The following ANKFY1 variants were observed in gnomAD, a reference collection of about 807,000 sequenced individuals.
ANKFY1 encodes the protein ankyrin repeat and FYVE domain-containing protein 1.
A neutral mutation model predicts 128.3 loss-of-function variants in ANKFY1; 47 were observed. That is an observed-to-expected ratio of 0.37 (90% confidence interval 0.29 to 0.47). ANKFY1 has a LOEUF of 0.47. ANKFY1 is among the 20% of genes least tolerant of loss of function. The pLI, the probability that ANKFY1 is intolerant of heterozygous loss-of-function variation, is 1.00. For missense variants in ANKFY1, 1,222 were observed against 1,510.6 expected (o/e 0.81, Z 3.17); for synonymous variants, 553 against 601.6 (o/e 0.92, Z 1.18).
intron 1 of ANKFY1, among the ~76,000 whole-genome samples, chr17:4,250,648 G>A (rs749640835): frequency 6.8e-6 from 1 of 146,240 alleles, no homozygotes; most frequent in Non-Finnish European, 1.5e-5. Context: ...AACTGTGTTT[G>A]TAGAATTTGA....
At chr17:4,194,192 T>C (rs2059774228) in intron 10 of ANKFY1, among the ~76,000 whole-genome samples, 1 of 142,878 alleles carries the variant, frequency 7.0e-6, no homozygotes, top group Non-Finnish European at 1.5e-5. Flanking sequence ...CACTGCAACC[T>C]CTGCCTCCCA....
intron 3 of ANKFY1, among the ~76,000 whole-genome samples, chr17:4,229,709 GA>G (rs2060482858): frequency 6.6e-6 from 1 of 152,216 alleles, no homozygotes; most frequent in Non-Finnish European, 1.5e-5. Flanking sequence ...AGCTCTGAGA[GA>G]ATCTTTGGGC....
At chr17:4,260,618 CAA>C (rs60030304) in intron 1 of ANKFY1, among the ~76,000 whole-genome samples, 1,436 of 65,080 alleles carry the variant, frequency 0.022, 11 homozygotes, top group African/African-American at 0.086. Flanking sequence ...ATCCTGTCTC[CAA>C]AAAAAAAAAA....
At chr17:4,225,329 C>G (rs1303182219) in intron 3 of ANKFY1, among the ~76,000 whole-genome samples, 4 of 152,110 alleles carry the variant, frequency 2.6e-5, no homozygotes, top group African/African-American at 9.7e-5. Context: ...TGCACTCTAG[C>G]CTGGGGGACA....
intron 1 of ANKFY1, among the ~76,000 whole-genome samples, chr17:4,249,494 GTCTCAGGTCAGAT>G (rs1967722918): frequency 6.6e-6 from 1 of 152,098 alleles, no homozygotes; most frequent in Non-Finnish European, 1.5e-5. Context: ...AAGTCGACAG[GTCTCAGGTCAGAT>G]TTGGCTGAGA....
At chr17:4,209,578 G>A (rs1031229123) in intron 5 of ANKFY1, among the ~76,000 whole-genome samples, 113 of 152,214 alleles carry the variant, frequency 7.4e-4, no homozygotes, top group African/African-American at 2.6e-3. Flanking sequence ...TGGAATTGCA[G>A]GCGTGAGCCA....
intron 7 of ANKFY1, among the ~76,000 whole-genome samples, chr17:4,198,723 G>A (rs2059874039): frequency 6.6e-6 from 1 of 152,110 alleles, no homozygotes; most frequent in Non-Finnish European, 1.5e-5. Flanking sequence ...TTAATAAGAA[G>A]TTTACAATGA....
At chr17:4,225,012 G>T (rs1350818439) in intron 3 of ANKFY1, among the ~76,000 whole-genome samples, 3 of 138,900 alleles carry the variant, frequency 2.2e-5, no homozygotes, top group Non-Finnish European at 4.6e-5. Context: ...GTATAAACTT[G>T]TTTTTTTAAA....
At chr17:4,255,803 C>T (rs1334383221) in intron 1 of ANKFY1, among the ~76,000 whole-genome samples, 1 of 151,848 alleles carries the variant, frequency 6.6e-6, no homozygotes, top group Non-Finnish European at 1.5e-5. Flanking sequence ...TTAATTACCA[C>T]CACTACTACT....
intron 1 of ANKFY1, among the ~76,000 whole-genome samples, chr17:4,255,394 C>A (rs1322789654): frequency 6.6e-6 from 1 of 151,860 alleles, no homozygotes; most frequent in East Asian, 1.9e-4. Flanking sequence ...ATTACAGGCG[C>A]CTGCCACCAT....
intron 11 of ANKFY1, chr17:4,186,450 G>A (rs1368581374): frequency 1.3e-5 from 2 of 152,258 alleles, no homozygotes; most frequent in Non-Finnish European, 2.9e-5. Flanking sequence ...TTTCCCAGCA[G>A]GAATCACTTT....
rs113363716 is a variant in ANKFY1 at position 4,201,819 on chromosome 17, G to T, written c.899-4242C>A. Among the ~76,000 whole-genome samples the T allele has an allele frequency of 7.3e-3, 1,108 of 152,232 alleles. 17 individuals are homozygous for T. Among genetic ancestry groups the T allele is most frequent in the African/African-American group, 0.025 (1,053 of 41,534 alleles). On this transcript the variant is annotated intron_variant, in intron 7 of 24. Transcript: ENST00000341657. ...AACATGCATATAGGGGGTTAGGCTA[G>T]GTCAGGCTTTTGCTATCCATTTATA...
intron 1 of ANKFY1, among the ~76,000 whole-genome samples, chr17:4,258,103 G>A (rs1003191421): frequency 6.6e-6 from 1 of 152,188 alleles, no homozygotes; most frequent in African/African-American, 2.4e-5. Flanking sequence ...GGTGACAGTA[G>A]TCACCAGGAA....
Position 4,179,012 on chromosome 17 carries a change from G to T in ANKFY1, c.2443C>A (p.His815Asn). The T allele has an allele frequency of 1.9e-6, 3 of 1,614,212 alleles. No homozygotes were observed. In the South Asian group the frequency reaches 3.3e-5, roughly 18 times the overall value. ...TPIHVAISSQ[H>N]GVIIQLLVSH... ...ACCAACAGCTGAATGATGACACCGT[G>T]TTGGCTGCTGATGGCCACGTGGATG... The change falls in exon 18 of 25, where the codon CAC becomes AAC. Residue 815 changes from histidine (H) to asparagine (N), a missense_variant. Physicochemically the swap from His to Asn is moderately conservative, Grantham distance 68. Coordinates refer to ENST00000341657, the MANE Select transcript of ANKFY1 (RefSeq NM_001330063.2).
intron 1 of ANKFY1, among the ~76,000 whole-genome samples, chr17:4,249,614 C>T (rs1361603156): frequency 3.3e-5 from 5 of 152,176 alleles, no homozygotes; most frequent in Non-Finnish European, 7.4e-5. Flanking sequence ...AGCAGTTTAT[C>T]TATCTGGAAC....
chr17:4,198,128 TTA>T (rs1567935066), intron 7 of ANKFY1, among the ~76,000 whole-genome samples: 14 of 136,728 alleles, frequency 1.0e-4, no homozygotes, highest in Non-Finnish European at 8.0e-5. Flanking sequence ...AAACTCCGTC[TTA>T]AAAAAAAAAA....
At chr17:4,207,682 C>A (rs1479461952) in intron 6 of ANKFY1, among the ~76,000 whole-genome samples, 46 of 146,884 alleles carry the variant, frequency 3.1e-4, no homozygotes, top group African/African-American at 1.2e-3. Flanking sequence ...AGTTAAGAAG[C>A]GTTTAAAAAA....
chr17:4,192,536 T>G (rs906054297), intron 10 of ANKFY1, among the ~76,000 whole-genome samples: 1 of 151,528 alleles, frequency 6.6e-6, no homozygotes, highest in African/African-American at 2.4e-5. Context: ...TAGTTGATGG[T>G]TGCTCTAATC....
At position 4,263,920 on chromosome 17, in the gene ANKFY1, A is replaced by C. The variant is rs557709538; in HGVS notation, c.10+12T>G. On this transcript the variant is annotated intron_variant, in intron 1 of 24. Transcript: ENST00000341657. ...CCGTGTCTTCCCGCGCGGCTCCACA[A>C]AAAAACCCTACCTTCCGCCATGTCT... 1.2e-5 allele frequency: 20 copies of C among 1,613,900 alleles called. No individual in the cohort carries two copies. The highest frequency in any genetic ancestry group is 1.7e-5 in the Non-Finnish European group (20 of 1,179,904).
Sources: allele counts gnomAD v4.1 joint callset (sites outside exome capture counted in the v4.1 genomes callset), GRCh38; gene constraint gnomAD v4.1.1; transcripts MANE v1.5; gene names NCBI Gene and HGNC (gene_info 2026-07-23, HGNC 2026-07-21).